The following TMEM117 variants were observed in gnomAD, a reference collection of about 807,000 sequenced individuals.
TMEM117 encodes transmembrane protein 117.
Under a neutral mutation model 52.4 loss-of-function variants are expected in TMEM117, and 27 were observed. The observed-to-expected ratio is 0.51, with a 90% confidence interval of 0.38 to 0.71. The LOEUF (loss-of-function observed/expected upper bound fraction) is 0.71, where lower values mean the gene tolerates loss of function less well. Ranked by LOEUF, TMEM117 falls within the 30% of genes least tolerant of loss-of-function variation. The probability of loss-of-function intolerance (pLI) is 0.00; values close to 1 mark genes in which losing one functional copy is unlikely to be tolerated. For synonymous variants in TMEM117, 215 were observed against 206.3 expected, an observed-to-expected ratio of 1.04 and a Z score of -0.36; for missense variants, 556 against 630.5, an observed-to-expected ratio of 0.88 and a Z score of 1.26.
At chr12:44,152,652 ATAT>A (rs1948764935) in intron 4 of TMEM117, among the ~76,000 whole-genome samples, 1 of 130,050 alleles carries the variant, frequency 7.7e-6, no homozygotes, top group Non-Finnish European at 1.6e-5. Flanking sequence ...TTTATATATA[ATAT>A]TTATATCATA....
At chr12:44,325,396 G>A (rs12321658) in intron 6 of TMEM117, among the ~76,000 whole-genome samples, 2 of 152,068 alleles carry the variant, frequency 1.3e-5, no homozygotes, top group African/African-American at 4.8e-5. Context: ...CTGAATGAAT[G>A]ATGAAAAATC....
At chr12:44,334,633 A>T (rs1951315634) in intron 6 of TMEM117, among the ~76,000 whole-genome samples, 1 of 151,990 alleles carries the variant, frequency 6.6e-6, no homozygotes, top group Admixed American at 6.6e-5. Flanking sequence ...GGTTTGGCTT[A>T]TGTGGCACTG....
intron 5 of TMEM117, among the ~76,000 whole-genome samples, chr12:44,233,176 G>A (rs919250875): frequency 1.3e-5 from 2 of 151,106 alleles, no homozygotes; most frequent in African/African-American, 4.8e-5. Context: ...GAGAAGAGTT[G>A]AGTTGTTACT....
In TMEM117 at chr12:44,306,466, T is replaced by C. The variant is rs982135282; in HGVS notation, c.768+6727T>C. Reference sequence around the variant, plus strand: ...CATCAAGTTCATAACAGAAGCTGAATAGAGGAGAGACTATTAAAAAAAGAA... The same window carrying C: ...CATCAAGTTCATAACAGAAGCTGAACAGAGGAGAGACTATTAAAAAAAGAA... On this transcript the variant is annotated intron_variant, in intron 6 of 7. Coordinates refer to ENST00000266534, the MANE Select transcript of TMEM117 (RefSeq NM_032256.3). Among the ~76,000 whole-genome samples, 94 of 152,132 alleles carry C rather than the reference T, an allele frequency of 6.2e-4. 1 individual carries two copies. The highest frequency in any genetic ancestry group is 2.2e-3 in the African/African-American group (90 of 41,418).
intron 2 of TMEM117, among the ~76,000 whole-genome samples, chr12:43,858,027 A>G (rs1205361197): frequency 2.0e-5 from 3 of 152,226 alleles, no homozygotes; most frequent in Non-Finnish European, 4.4e-5. Context: ...AGACTGGAAT[A>G]AGGGGCTTCT....
chr12:44,058,549 T>C lies in TMEM117; in HGVS notation c.411-84976T>C, dbSNP rs567340155. Among the ~76,000 whole-genome samples the C allele has an allele frequency of 2.0e-5, 3 of 152,290 alleles. No individual in the cohort carries two copies. In the East Asian group the frequency reaches 5.8e-4, roughly 29 times the overall value. On this transcript the variant is annotated intron_variant, in intron 3 of 7. Coordinates refer to ENST00000266534, the MANE Select transcript of TMEM117 (RefSeq NM_032256.3). Reference sequence around the variant, plus strand: ...CTTCCATGGCACTGTTTCAAGCAGTTAACAAATTTCATATGCTGAAGGAGT... The same window carrying C: ...CTTCCATGGCACTGTTTCAAGCAGTCAACAAATTTCATATGCTGAAGGAGT...
At chr12:44,347,204 A>C (rs752716311) in intron 6 of TMEM117, among the ~76,000 whole-genome samples, 7 of 152,092 alleles carry the variant, frequency 4.6e-5, no homozygotes, top group Non-Finnish European at 1.0e-4. Flanking sequence ...TTCTAGATTA[A>C]AAGTTTGGAG....
intron 4 of TMEM117, among the ~76,000 whole-genome samples, chr12:44,167,679 C>T (rs1948987535): frequency 6.6e-6 from 1 of 152,036 alleles, no homozygotes; most frequent in Non-Finnish European, 1.5e-5. Flanking sequence ...AAAAAAAGAA[C>T]ATAAGCTGTA....
chr12:43,906,462 C>A (rs868716429), intron 2 of TMEM117, among the ~76,000 whole-genome samples: 67 of 141,374 alleles, frequency 4.7e-4, no homozygotes, highest in Non-Finnish European at 5.5e-4. Flanking sequence ...GACGCTGTCT[C>A]AAAAAAAAAA....
chr12:44,387,918 A>C (rs1261369056), intron 7 of TMEM117, 108 bp from the exon 8 acceptor site: 3 of 1,031,426 alleles, frequency 2.9e-6, no homozygotes, highest in Non-Finnish European at 4.1e-6. Flanking sequence ...AACCAGTCTG[A>C]AACATTAACA....
intron 2 of TMEM117, among the ~76,000 whole-genome samples, chr12:43,876,226 A>T (rs1943792610): frequency 6.6e-6 from 1 of 151,992 alleles, no homozygotes; most frequent in Admixed American, 6.6e-5. Context: ...TCATGATTTG[A>T]TTTATCTAGG....
At chr12:43,979,050 G>C (rs188720535) in intron 3 of TMEM117, among the ~76,000 whole-genome samples, 148 of 151,790 alleles carry the variant, frequency 9.8e-4, no homozygotes, top group African/African-American at 3.4e-3. Context: ...GTCTAGGGTT[G>C]TATTGCCTTT....
chr12:44,211,196 T>C (rs1337603276), intron 4 of TMEM117, 94 bp from the exon 5 acceptor site: 5 of 836,652 alleles, frequency 6.0e-6, no homozygotes, highest in East Asian at 2.6e-5. Flanking sequence ...CGTATACTTA[T>C]TCTGTTCTCA....
rs546967364 is a variant in TMEM117 at position 44,135,149 on chromosome 12, T to A, written c.411-8376T>A. On this transcript the variant is annotated intron_variant, in intron 3 of 7. Transcript: ENST00000266534. The stretch of plus-strand genomic sequence containing the variant: ...TCATATAACCTCCAGGAAAGATATT[T>A]CCTTCTTTCTCTCTTTTTGTATTGG... 5.3e-5 allele frequency among the ~76,000 whole-genome samples: 8 copies of A among 152,306 alleles called. No homozygotes were observed. In the South Asian group the frequency reaches 1.7e-3, roughly 32 times the overall value.
chr12:43,895,531 C>A (rs1944184983), intron 2 of TMEM117, among the ~76,000 whole-genome samples: 1 of 152,180 alleles, frequency 6.6e-6, no homozygotes, highest in Non-Finnish European at 1.5e-5. Flanking sequence ...TATACATTTA[C>A]TGGGCAAAGT....
chr12:43,911,901 A>G (rs1169077987), intron 2 of TMEM117, among the ~76,000 whole-genome samples: 2 of 147,550 alleles, frequency 1.4e-5, no homozygotes, highest in African/African-American at 5.0e-5. Flanking sequence ...TGTTGGTGGG[A>G]CTGTAAACTA....
chr12:43,868,055 C>T (rs1391455484), intron 2 of TMEM117, among the ~76,000 whole-genome samples: 1 of 152,004 alleles, frequency 6.6e-6, no homozygotes, highest in African/African-American at 2.4e-5. Flanking sequence ...AAAGTATGTT[C>T]TCTGACCACA....
intron 6 of TMEM117, among the ~76,000 whole-genome samples, chr12:44,311,171 T>C (rs552929774): frequency 2.3e-4 from 35 of 152,116 alleles, no homozygotes; most frequent in Non-Finnish European, 3.7e-4. Flanking sequence ...TTCTCAATTT[T>C]TATGTGAGTA....
At chr12:43,913,135 T>C (rs923638460) in intron 2 of TMEM117, among the ~76,000 whole-genome samples, 3 of 152,150 alleles carry the variant, frequency 2.0e-5, no homozygotes, top group Non-Finnish European at 4.4e-5. Flanking sequence ...CATACCAACA[T>C]TTAAACACGC....
Sources: gnomAD v4.1 joint callset for allele counts (sites outside exome capture counted in the v4.1 genomes callset) on GRCh38, gnomAD v4.1.1 for gene constraint, MANE v1.5 for transcripts, NCBI Gene and HGNC (gene_info 2026-07-23, HGNC 2026-07-21) for gene names.